The following ATP11A variants were observed in gnomAD, a reference collection of about 807,000 sequenced individuals.
The protein encoded by ATP11A is phospholipid-transporting ATPase IH.
A neutral mutation model predicts 154.4 loss-of-function variants in ATP11A; 81 were observed. The observed-to-expected ratio is 0.52, with a 90% confidence interval of 0.44 to 0.63. The LOEUF (loss-of-function observed/expected upper bound fraction) is 0.63, where lower values mean the gene tolerates loss of function less well. Ranked by LOEUF, ATP11A falls within the 30% of genes least tolerant of loss-of-function variation. ATP11A has a pLI of 0.00. For synonymous variants in ATP11A, 623 were observed against 585.9 expected, an observed-to-expected ratio of 1.06 and a Z score of -0.91; for missense variants, 1,316 against 1,474.3, an observed-to-expected ratio of 0.89 and a Z score of 1.76.
At chr13:112,874,324 C>T (rs1169046931) in intron 27 of ATP11A, among the ~76,000 whole-genome samples, 1 of 152,216 alleles carries the variant, frequency 6.6e-6, no homozygotes, top group African/African-American at 2.4e-5. Flanking sequence ...TCCTGGACCG[C>T]CGGCCGTGAG....
intron 18 of ATP11A, among the ~76,000 whole-genome samples, 172 bp downstream of exon 18, chr13:112,851,390 A>G (rs977315316): frequency 6.6e-6 from 1 of 152,196 alleles, no homozygotes; most frequent in Non-Finnish European, 1.5e-5. Flanking sequence ...TCATGTCAGG[A>G]AGGTCATGCC....
At chr13:112,831,301 G>A (rs1033830273) in intron 12 of ATP11A, 74 bp from the exon 13 acceptor site, 34 of 1,524,608 alleles carry the variant, frequency 2.2e-5, no homozygotes, top group Middle Eastern at 1.7e-4. Flanking sequence ...GAGGAAACAC[G>A]GCTGCTGTGT....
chr13:112,713,952 C>A (rs1325103201), intron 1 of ATP11A, among the ~76,000 whole-genome samples: 1 of 69,024 alleles, frequency 1.4e-5, no homozygotes, highest in African/African-American at 5.1e-5. Context: ...CACCCCAGAT[C>A]CCACGCCTCC....
chr13:112,847,314 T>C lies in ATP11A; in HGVS notation c.1810-3723T>C, dbSNP rs2079638147. Reference sequence around the variant, plus strand: ...TTCGCTGGCTGTGCTTGCTGTCATATCGAAGAAACTGCTATGAAATCCAAG... The same window carrying C: ...TTCGCTGGCTGTGCTTGCTGTCATACCGAAGAAACTGCTATGAAATCCAAG... On this transcript the variant is annotated intron_variant, in intron 17 of 29. Transcript: ENST00000375645. Among the ~76,000 whole-genome samples, 10 of 152,372 alleles carry C rather than the reference T, an allele frequency of 6.6e-5. 1 individual carries two copies. In the South Asian group the frequency reaches 1.9e-3, roughly 28 times the overall value.
chr13:112,845,732 CA>C (rs1161994121), intron 17 of ATP11A, among the ~76,000 whole-genome samples: 53 of 97,028 alleles, frequency 5.5e-4, no homozygotes, highest in African/African-American at 2.8e-3. Flanking sequence ...GTCCAGTTAC[CA>C]GGCACTAGCG....
In ATP11A at chr13:112,734,782, G is replaced by C. The variant is rs570727461; in HGVS notation, c.39+44327G>C. Among the ~76,000 whole-genome samples the C allele has an allele frequency of 1.0e-3, 153 of 152,286 alleles. 2 individuals are homozygous for C. Among genetic ancestry groups the C allele is most frequent in the African/African-American group, 3.3e-3 (138 of 41,552 alleles). On this transcript the variant is annotated intron_variant, in intron 1 of 29. Transcript: ENST00000375645. ...CACCTGCCCTCATAGCCGCACTTGGGGGGGATCACTATGGTGCCTGGTGGG... is the reference window on the plus strand; with the variant it reads ...CACCTGCCCTCATAGCCGCACTTGGCGGGGATCACTATGGTGCCTGGTGGG...
intron 1 of ATP11A, among the ~76,000 whole-genome samples, chr13:112,768,621 A>G (rs758680099): frequency 6.6e-6 from 1 of 152,180 alleles, no homozygotes; most frequent in Non-Finnish European, 1.5e-5. Flanking sequence ...GAAGGTATAT[A>G]ATTTCCGTTG....
Position 112,844,579 on chromosome 13 carries a change from A to G in ATP11A, c.1809+2200A>G, listed in dbSNP as rs1001835337. On this transcript the variant is annotated intron_variant, in intron 17 of 29. Transcript: ENST00000375645. ...CCTTCTGGAGCTTCCTATCAGCAGA[A>G]TCACAAAAGGCGGCTGTTGTATCCG... Among the ~76,000 whole-genome samples the G allele has an allele frequency of 5.3e-5, 8 of 152,344 alleles. No homozygotes were observed. The East Asian group carries it at 1.5e-3, about 29-fold the overall frequency.
chr13:112,867,036 C>T (rs924581762), intron 25 of ATP11A, among the ~76,000 whole-genome samples: 40 of 127,606 alleles, frequency 3.1e-4, no homozygotes, highest in African/African-American at 1.2e-3. Flanking sequence ...CCGAGTTGGG[C>T]TTACGTAAGC....
At chr13:112,804,500 C>T (rs1288509899) in intron 2 of ATP11A, among the ~76,000 whole-genome samples, 1 of 116,916 alleles carries the variant, frequency 8.6e-6, no homozygotes. Context: ...CCCCCTGAGG[C>T]CTCAAAGCCC....
rs766554206 is a variant in ATP11A at position 112,832,956 on chromosome 13, G to A, written c.1492G>A (p.Gly498Arg). 3.7e-5 allele frequency: 60 copies of A among 1,613,766 alleles called. No individual in the cohort carries two copies. The highest frequency in any genetic ancestry group is 4.4e-5 in the South Asian group (4 of 91,066). ...SVDGPRKSPDGGKSCVYISSS... is the reference protein window; with the variant it reads ...SVDGPRKSPDRGKSCVYISSS... ...AGACGGCCCCAGGAAATCGCCGGAC[G>A]GGGGGAAATCCTGTGTGTACATCTC... is the stretch of plus-strand genomic sequence containing the variant. Residue 498 changes from glycine to arginine, a missense_variant, in exon 14 of 30, where the codon GGG becomes AGG. Around this residue, in one of 5 missense-constraint regions of ATP11A, gnomAD observed 876 missense variants for 1,006.8 expected, o/e 0.87. Coordinates refer to ENST00000375645, the MANE Select transcript of ATP11A (RefSeq NM_015205.3).
At chr13:112,794,626 T>C (rs2077948709) in intron 2 of ATP11A, among the ~76,000 whole-genome samples, 1 of 152,090 alleles carries the variant, frequency 6.6e-6, no homozygotes, top group Admixed American at 6.6e-5. Flanking sequence ...TCCCAGAACT[T>C]TGGGAGGCCG....
intron 1 of ATP11A, among the ~76,000 whole-genome samples, chr13:112,776,935 T>C (rs911722444): frequency 6.6e-6 from 1 of 152,132 alleles, no homozygotes. Context: ...GCTCCTGGCC[T>C]GAGATTAATA....
intron 1 of ATP11A, among the ~76,000 whole-genome samples, chr13:112,730,624 C>T (rs1215546276): frequency 6.6e-6 from 1 of 152,242 alleles, no homozygotes; most frequent in Admixed American, 6.5e-5. Context: ...GCGGAGTCTG[C>T]GCAGGGCCTC....
At position 112,788,925 on chromosome 13, in the gene ATP11A, G is replaced by T. The variant is rs147644971; in HGVS notation, c.162+3668G>T. On this transcript the variant is annotated intron_variant, in intron 2 of 29. Coordinates refer to ENST00000375645, the MANE Select transcript of ATP11A (RefSeq NM_015205.3). ...TAATTCACACCAGGAGTCCTGATATGTAGATCCCTGTGGAGACCTACTTAA... is the reference window on the plus strand; with the variant it reads ...TAATTCACACCAGGAGTCCTGATATTTAGATCCCTGTGGAGACCTACTTAA... 6.0e-4 allele frequency among the ~76,000 whole-genome samples: 91 copies of T among 152,018 alleles called. 2 individuals carry two copies. In the East Asian group the frequency reaches 0.017, roughly 29 times the overall value.
At chr13:112,711,559 G>A (rs1245134873) in intron 1 of ATP11A, among the ~76,000 whole-genome samples, 1 of 151,990 alleles carries the variant, frequency 6.6e-6, no homozygotes, top group Non-Finnish European at 1.5e-5. Flanking sequence ...CCGTAAACAG[G>A]CACCGCATCC....
At chr13:112,865,019 A>G (rs1318698971) in intron 25 of ATP11A, among the ~76,000 whole-genome samples, 2 of 149,930 alleles carry the variant, frequency 1.3e-5, no homozygotes, top group Admixed American at 6.6e-5. Context: ...AGTGGGGACC[A>G]TCACCACGTG....
intron 2 of ATP11A, among the ~76,000 whole-genome samples, chr13:112,794,917 T>G (rs1309968152): frequency 6.6e-6 from 1 of 151,600 alleles, no homozygotes; most frequent in Non-Finnish European, 1.5e-5. Context: ...GCAGGTGGTT[T>G]CAAATTCCAA....
At chr13:112,740,966 C>T (rs1891483493) in intron 1 of ATP11A, among the ~76,000 whole-genome samples, 1 of 152,178 alleles carries the variant, frequency 6.6e-6, no homozygotes, top group Admixed American at 6.5e-5. Context: ...TAAAATAGTG[C>T]GTTTTCAGAA....
Sources: allele counts gnomAD v4.1 joint callset (sites outside exome capture counted in the v4.1 genomes callset), GRCh38; gene constraint gnomAD v4.1.1; regional missense constraint gnomAD v4.1.1; transcripts MANE v1.5; gene names NCBI Gene and HGNC (gene_info 2026-07-23, HGNC 2026-07-21).